RANBP17: variants seen among roughly 807,000 people sequenced by gnomAD.
The protein encoded by RANBP17 is RAN binding protein 17, also known as ran-binding protein 17.
Under a neutral mutation model 141.2 loss-of-function variants are expected in RANBP17, and 158 were observed. The ratio of observed to expected loss-of-function variants is 1.12; its 90% confidence interval spans 0.98 to 1.28. The LOEUF (loss-of-function observed/expected upper bound fraction) is 1.28, where lower values mean the gene tolerates loss of function less well. Among genes scored for constraint, RANBP17 ranks in the 50% most tolerant of loss-of-function variants. RANBP17 has a pLI of 0.00. For synonymous variants in RANBP17, 430 were observed against 450.0 expected (o/e 0.96, Z 0.56); for missense variants, 1,438 against 1,290.7 (o/e 1.11, Z -1.75).
At chr5:170,969,888 C>T (rs990046749) in intron 14 of RANBP17, among the ~76,000 whole-genome samples, 4 of 151,910 alleles carry the variant, frequency 2.6e-5, no homozygotes, top group Admixed American at 2.6e-4. Flanking sequence ...GTGTATCTTA[C>T]CCTATTAAAG....
intron 14 of RANBP17, among the ~76,000 whole-genome samples, chr5:171,005,042 T>C (rs957987480): frequency 1.3e-5 from 2 of 152,130 alleles, no homozygotes; most frequent in African/African-American, 4.8e-5. Context: ...GTTGATTAAT[T>C]CCTATTGTGG....
At chr5:171,070,341 CAA>C (rs1454032248) in intron 14 of RANBP17, among the ~76,000 whole-genome samples, 1 of 152,102 alleles carries the variant, frequency 6.6e-6, no homozygotes, top group Non-Finnish European at 1.5e-5. Flanking sequence ...AGCCCTTCCT[CAA>C]AGAAAGTTTT....
intron 14 of RANBP17, among the ~76,000 whole-genome samples, chr5:171,052,588 G>T (rs1196958008): frequency 6.6e-6 from 1 of 152,118 alleles, no homozygotes; most frequent in Admixed American, 6.6e-5. Context: ...CTGTATGTCT[G>T]TTCTTACGCT....
chr5:170,893,077 T>G (rs1287665513), intron 4 of RANBP17, among the ~76,000 whole-genome samples: 1 of 152,278 alleles, frequency 6.6e-6, no homozygotes, highest in Non-Finnish European at 1.5e-5. Context: ...AAGAATGTTT[T>G]CAATTTCATC....
intron 14 of RANBP17, among the ~76,000 whole-genome samples, chr5:171,051,853 T>C (rs1296754596): frequency 6.6e-6 from 1 of 152,214 alleles, no homozygotes; most frequent in Non-Finnish European, 1.5e-5. Flanking sequence ...CCACCAGCAA[T>C]GTAAAAGAGT....
At chr5:171,297,422 A>G (rs1419129934) in intron 27 of RANBP17, among the ~76,000 whole-genome samples, 1 of 152,210 alleles carries the variant, frequency 6.6e-6, no homozygotes, top group Non-Finnish European at 1.5e-5. Context: ...CCTTTTATAA[A>G]TGTGGTAGCA....
intron 14 of RANBP17, among the ~76,000 whole-genome samples, chr5:171,046,999 G>A (rs1011687223): frequency 1.4e-5 from 2 of 138,662 alleles, no homozygotes; most frequent in African/African-American, 5.2e-5. Context: ...GCATCTCATT[G>A]TAGTTTTATT....
chr5:170,981,617 T>G, intron 14 of RANBP17, among the ~76,000 whole-genome samples: 1 of 152,032 alleles, frequency 6.6e-6, no homozygotes, highest in East Asian at 1.9e-4. Context: ...GCTCCTTGCC[T>G]TGTGCCAGGA....
chr5:171,172,974 T>C (rs1359790322), intron 16 of RANBP17, among the ~76,000 whole-genome samples: 1 of 151,970 alleles, frequency 6.6e-6, no homozygotes, highest in Admixed American at 6.6e-5. Context: ...TTAAAAGCTA[T>C]AATATTTTAA....
At chr5:171,009,355 A>G (rs2127588697) in intron 14 of RANBP17, among the ~76,000 whole-genome samples, 1 of 152,338 alleles carries the variant, frequency 6.6e-6, no homozygotes, top group East Asian at 1.9e-4. Flanking sequence ...ACATTGCTTT[A>G]CTTGTAACTT....
intron 5 of RANBP17, chr5:170,897,296 A>T (rs1770214825): frequency 1.6e-6 from 1 of 623,910 alleles, no homozygotes; most frequent in East Asian, 4.1e-5. Flanking sequence ...GTGTTTCTTT[A>T]TAATACATTC....
chr5:170,987,381 G>A (rs1242621282), intron 14 of RANBP17, among the ~76,000 whole-genome samples: 2 of 151,264 alleles, frequency 1.3e-5, no homozygotes, highest in Non-Finnish European at 3.0e-5. Flanking sequence ...ATAACAATTT[G>A]ACCTAGTTAG....
At chr5:171,193,654 G>A (rs974217809) in intron 18 of RANBP17, among the ~76,000 whole-genome samples, 7 of 152,042 alleles carry the variant, frequency 4.6e-5, no homozygotes, top group African/African-American at 1.4e-4. Flanking sequence ...TGCCTTTTGC[G>A]GCTTCTAGAG....
At chr5:171,000,569 C>T (rs931108747) in intron 14 of RANBP17, among the ~76,000 whole-genome samples, 3 of 152,184 alleles carry the variant, frequency 2.0e-5, no homozygotes, top group Admixed American at 6.5e-5. Flanking sequence ...CTGTGTCACA[C>T]GCATCCGTGT....
intron 14 of RANBP17, among the ~76,000 whole-genome samples, chr5:171,070,815 A>G (rs539862189): frequency 9.2e-5 from 14 of 152,220 alleles, no homozygotes; most frequent in African/African-American, 1.4e-4. Context: ...TATCCTCATC[A>G]TAGTTAGAAC....
chr5:171,087,350 C>G (rs1435017328), intron 14 of RANBP17, among the ~76,000 whole-genome samples: 5 of 151,928 alleles, frequency 3.3e-5, no homozygotes, highest in African/African-American at 1.2e-4. Context: ...AATTTCTGTT[C>G]TTTTACATTT....
chr5:171,005,579 A>G (rs1779539922), intron 14 of RANBP17, among the ~76,000 whole-genome samples: 1 of 152,230 alleles, frequency 6.6e-6, no homozygotes, highest in Non-Finnish European at 1.5e-5. Flanking sequence ...CTTACACCTT[A>G]TACAAAAATT....
At chr5:171,078,753 A>G (rs1005712280) in intron 14 of RANBP17, among the ~76,000 whole-genome samples, 1 of 152,216 alleles carries the variant, frequency 6.6e-6, no homozygotes, top group East Asian at 1.9e-4. Flanking sequence ...TTTTAAGCCC[A>G]CTGTTGAGAC....
intron 3 of RANBP17, among the ~76,000 whole-genome samples, chr5:170,892,171 T>TGCTGAACA: frequency 6.6e-6 from 1 of 150,640 alleles, no homozygotes; most frequent in Non-Finnish European, 1.5e-5. Context: ...GGGATACATG[T>TGCTGAACA]GCTGAACATG....
Sources: gnomAD v4.1 joint callset for allele counts (sites outside exome capture counted in the v4.1 genomes callset) on GRCh38, gnomAD v4.1.1 for gene constraint, MANE v1.5 for transcripts, NCBI Gene and HGNC (gene_info 2026-07-23, HGNC 2026-07-21) for gene names.